The following DOP1A variants were observed in gnomAD, a reference collection of about 807,000 sequenced individuals.
The protein encoded by DOP1A is DOP1 leucine zipper like protein A, also known as protein DOP1A.
DOP1A carries 90 observed loss-of-function variants against 267.6 expected under a neutral mutation model. The ratio of observed to expected loss-of-function variants is 0.34; its 90% CI spans 0.28 to 0.40. The LOEUF (loss-of-function observed/expected upper bound fraction) is 0.40, where lower values mean the gene tolerates loss of function less well. Ranked by LOEUF, DOP1A falls within the 10% of genes least tolerant of loss-of-function variation. DOP1A has a pLI of 1.00. For synonymous variants in DOP1A, 932 were observed against 999.1 expected (o/e 0.93, Z 1.27); for missense variants, 2,437 against 2,900.4 (o/e 0.84, Z 3.67).
intron 38 of DOP1A, chr6:83,166,566 AAGTG>A: frequency 1.6e-6 from 1 of 620,770 alleles, no homozygotes; most frequent in Non-Finnish European, 2.7e-6. Flanking sequence ...AGCAAAAAAA[AAGTG>A]AGAAATATGC....
chr6:83,156,053 T>C lies in DOP1A; in HGVS notation c.6554T>C (p.Ile2185Thr). 1.3e-5 allele frequency: 21 copies of C among 1,613,866 alleles called. No homozygotes were observed. Among genetic ancestry groups the C allele is most frequent in the Non-Finnish European group, 1.4e-5 (17 of 1,179,794 alleles). Residue 2185 changes from isoleucine (I) to threonine (T), a missense_variant, in exon 34 of 39, where the codon ATT (isoleucine) becomes ACT (threonine). Ile to Thr is a moderately conservative substitution (Grantham distance 89). Transcript: ENST00000349129. ...AMLLKRLAFA[I>T]FSSEIDQYQK... Reference sequence around the variant, plus strand: ...CTTCTTAAAAGATTAGCATTTGCTATTTTTAGCAGTGAAATTGACCAGTAC... The same window carrying C: ...CTTCTTAAAAGATTAGCATTTGCTACTTTTAGCAGTGAAATTGACCAGTAC...
Position 83,104,532 on chromosome 6 carries a change from T to C in DOP1A, c.320+3646T>C, listed in dbSNP as rs183731774. 2.6e-5 allele frequency among the ~76,000 whole-genome samples: 4 copies of C among 152,280 alleles called. No individual in the cohort carries two copies. In the East Asian group the frequency reaches 7.7e-4, roughly 29 times the overall value. On this transcript the variant is annotated intron_variant, in intron 4 of 38. Transcript: ENST00000349129. ...TTCTAGTATATGTTAACTTTCAAAT[T>C]GTTCTCGTATTCTGTTCTCTGGAAC...
chr6:83,131,412 T>A (rs1358920623), intron 17 of DOP1A, among the ~76,000 whole-genome samples: 2 of 152,172 alleles, frequency 1.3e-5, no homozygotes, highest in Non-Finnish European at 2.9e-5. Context: ...CTGTTACAGA[T>A]CAAGTGCTAT....
downstream of DOP1A, chr6:83,169,769 C>T (rs1278283249): frequency 6.6e-6 from 3 of 457,700 alleles, no homozygotes; most frequent in South Asian, 1.5e-5. Flanking sequence ...GTACTTTGCC[C>T]TGGCTTTGCA....
chr6:83,145,352 C>A (rs1780466659), intron 24 of DOP1A, among the ~76,000 whole-genome samples, 172 bp from the exon 25 acceptor site: 1 of 137,244 alleles, frequency 7.3e-6, no homozygotes, highest in Admixed American at 8.3e-5. Flanking sequence ...GGGGCTAAGG[C>A]AGGAGGATCA....
intron 8 of DOP1A, 94 bp downstream of exon 8, chr6:83,119,081 TTAAAAAC>T: frequency 9.6e-7 from 1 of 1,037,954 alleles, no homozygotes; most frequent in Non-Finnish European, 1.5e-6. Flanking sequence ...TGTCCTGAAT[TTAAAAAC>T]TAAAATCTCT....
In DOP1A at chr6:83,100,902, C is replaced by CTA. The variant is rs779292713; in HGVS notation, c.320+25_320+26dup. Reference sequence around the variant, plus strand: ...TTTTATATAGGTAAGAATAATTTTACTATATATATACAAATAATATAAAGA... The same window carrying CTA: ...TTTTATATAGGTAAGAATAATTTTACTATATATATATACAAATAATATAAAGA... On this transcript the variant is annotated intron_variant, in intron 4 of 38. Coordinates refer to ENST00000349129, the MANE Select transcript of DOP1A (RefSeq NM_015018.4). The CTA allele has an allele frequency of 3.8e-5, 54 of 1,428,120 alleles. No homozygotes were observed. The highest frequency in any genetic ancestry group is 4.5e-5 in the Non-Finnish European group (48 of 1,066,866). The allele number at this position is 1,428,120 out of a possible 1,614,324, so 88.5% of individuals were successfully genotyped here. A position where few individuals can be genotyped will look rare whatever the true frequency, so the allele number is the denominator to read the frequency against.
intron 26 of DOP1A, among the ~76,000 whole-genome samples, chr6:83,148,195 C>T (rs546345788): frequency 3.3e-5 from 5 of 152,152 alleles, no homozygotes; most frequent in East Asian, 1.9e-4. Flanking sequence ...GGGCGGATCA[C>T]GAACTCAGGA....
chr6:83,130,213 T>A lies in DOP1A; in HGVS notation c.2432T>A (p.Ile811Asn). 6.2e-7 allele frequency: 1 copy of A among 1,614,112 alleles called. No individual in the cohort carries two copies. The highest frequency in any genetic ancestry group is 8.5e-7 in the Non-Finnish European group (1 of 1,179,992). The change falls in exon 17 of 39, where the codon ATT (isoleucine) becomes AAT (asparagine). Residue 811 changes from isoleucine to asparagine, a missense_variant. This residue lies in a region of DOP1A where 878 missense variants were observed against 992.9 expected (regional missense o/e 0.88). Coordinates refer to ENST00000349129, the MANE Select transcript of DOP1A (RefSeq NM_015018.4). ...GATTTCAGTGTTCAGAGTGTTGCTA[T>A]TTCACTAGTTATGGACCTGGTGGGA... ...ASDFSVQSVA[I>N]SLVMDLVGLT...
chr6:83,153,699 C>G lies in DOP1A; in HGVS notation c.6239+79C>G, dbSNP rs1045377916. The G allele has an allele frequency of 4.0e-6, 5 of 1,252,704 alleles. No individual in the cohort carries two copies. In the African/African-American group the frequency reaches 7.8e-5, roughly 19 times the overall value. The allele number at this position is 1,252,704 out of a possible 1,614,324, so 77.6% of individuals were successfully genotyped here. ...AAGTTCTGTTCCCTTATTGCCATTT[C>G]TAGAATTATCATAAAATGGCATTTT... is the stretch of plus-strand genomic sequence containing the variant. On this transcript the variant is annotated intron_variant, in intron 31 of 38. Transcript: ENST00000349129.
At chr6:83,098,918 T>A (rs1772005711) in intron 3 of DOP1A, among the ~76,000 whole-genome samples, 1 of 152,196 alleles carries the variant, frequency 6.6e-6, no homozygotes. Context: ...ACAGCATTCC[T>A]TCCTTCTGGG....
At chr6:83,106,208 T>C (rs1773584031) in intron 4 of DOP1A, among the ~76,000 whole-genome samples, 1 of 152,182 alleles carries the variant, frequency 6.6e-6, no homozygotes, top group South Asian at 2.1e-4. Context: ...TATTTCTTTT[T>C]AATGTGATGC....
intron 13 of DOP1A, 69 bp downstream of exon 13, chr6:83,124,888 G>A (rs1243469825): frequency 7.9e-7 from 1 of 1,268,354 alleles, no homozygotes; most frequent in Non-Finnish European, 1.1e-6. Context: ...CGTGTTGTAG[G>A]CAAGCCTTCA....
chr6:83,118,636 C>T (rs534996852), intron 7 of DOP1A, among the ~76,000 whole-genome samples: 1 of 152,146 alleles, frequency 6.6e-6, no homozygotes, highest in East Asian at 1.9e-4. Context: ...ATTATATAGA[C>T]AAAGAACTTT....
chr6:83,159,613 AAAG>A, intron 36 of DOP1A, 180 bp from the exon 37 acceptor site: 1 of 702,824 alleles, frequency 1.4e-6, no homozygotes, highest in Non-Finnish European at 2.4e-6. Context: ...TTGCATTCTC[AAAG>A]AAGAAAAGTG....
chr6:83,137,102 A>G (rs117336243), intron 20 of DOP1A, 71 bp from the exon 21 acceptor site: 26,352 of 1,373,750 alleles, frequency 0.019, 348 homozygotes, highest in Admixed American at 0.06. Context: ...TGATCAGTCT[A>G]CATTTCTACA....
rs370075922 is a variant in DOP1A at position 83,155,869 on chromosome 6, G to A, written c.6452-82G>A. 10 of 1,492,196 alleles carry A rather than the reference G, an allele frequency of 6.7e-6. No homozygotes were observed. In the East Asian group the frequency reaches 9.2e-5, roughly 14 times the overall value. The allele number at this position is 1,492,196 out of a possible 1,614,324, so 92.4% of individuals were successfully genotyped here. A position where few individuals can be genotyped will look rare whatever the true frequency, so the allele number is the denominator to read the frequency against. ...GCTCCTCTCAGTTTTGGATGTCATA[G>A]AGCATCTAGCTATTTTAAAAAACAA... On this transcript the variant is annotated intron_variant, in intron 33 of 38. Coordinates refer to ENST00000349129, the MANE Select transcript of DOP1A (RefSeq NM_015018.4).
At chr6:83,068,217 G>T (rs954012388) in intron 1 of DOP1A, among the ~76,000 whole-genome samples, 37 of 152,206 alleles carry the variant, frequency 2.4e-4, no homozygotes, top group Admixed American at 2.3e-3. Context: ...CGGCTGGTGG[G>T]TTCTTTTAGC....
intron 1 of DOP1A, among the ~76,000 whole-genome samples, chr6:83,068,597 T>C (rs1785089992): frequency 1.3e-5 from 2 of 152,200 alleles, no homozygotes; most frequent in Admixed American, 1.3e-4. Context: ...TGTAGGAAAC[T>C]GTTTGCCTGA....
Sources: allele counts gnomAD v4.1 joint callset (sites outside exome capture counted in the v4.1 genomes callset), GRCh38; gene constraint gnomAD v4.1.1; regional missense constraint gnomAD v4.1.1; transcripts MANE v1.5; gene names NCBI Gene and HGNC (gene_info 2026-07-23, HGNC 2026-07-21).